The following IPO9 variants were observed in gnomAD, a reference collection of about 807,000 sequenced individuals.
IPO9 encodes importin-9.
IPO9 carries 28 observed loss-of-function variants against 128.6 expected under a neutral mutation model. That is an observed-to-expected ratio of 0.22 (90% CI 0.16 to 0.30). The LOEUF is 0.30. Ranked by LOEUF, IPO9 falls within the 10% of genes least tolerant of loss-of-function variation. The probability of loss-of-function intolerance (pLI) is 1.00; values close to 1 mark genes in which losing one functional copy is unlikely to be tolerated. For synonymous variants in IPO9, 455 were observed against 475.8 expected, an observed-to-expected ratio of 0.96 and a Z score of 0.57; for missense variants, 935 against 1,293.9, an observed-to-expected ratio of 0.72 and a Z score of 4.26.
chr1:201,870,526 GC>G lies in IPO9; in HGVS notation c.2134-55del. ...GAACATTTGTTTATACAGACTGAGG[GC>G]CTTCTGGCATCTGTCCCTCGATTAC... On this transcript the variant is annotated intron_variant, in intron 17 of 23. Transcript: ENST00000361565. The surrounding 1 kb of genome is among the most constrained non-coding windows in gnomAD (Gnocchi z 4.9). The G allele has an allele frequency of 1.3e-6, 2 of 1,567,784 alleles. No homozygotes were observed. Among genetic ancestry groups the G allele is most frequent in the Non-Finnish European group, 8.7e-7 (1 of 1,153,852 alleles).
rs562383614 is a variant in IPO9, at chr1:201,874,720, A to G, written c.2834-112A>G. The G allele has an allele frequency of 1.7e-4, 131 of 758,756 alleles. No homozygotes were observed. In the South Asian group the frequency reaches 2.0e-3, roughly 11 times the overall value. The allele number at this position is 758,756 out of a possible 1,614,324, so 47.0% of individuals were successfully genotyped here. On this transcript the variant is annotated intron_variant, in intron 21 of 23. Coordinates refer to ENST00000361565, the MANE Select transcript of IPO9 (RefSeq NM_018085.5). ...TTCTGATTCTCTTTCACTGGGGACT[A>G]CAAGCCACATTGCAGAAGCCTTTGG...
chr1:201,868,208 G>A (rs1387790164), intron 15 of IPO9, among the ~76,000 whole-genome samples: 1 of 151,904 alleles, frequency 6.6e-6, no homozygotes, highest in African/African-American at 2.4e-5. Flanking sequence ...TGTCTACCGT[G>A]GCTACCCCAT....
intron 16 of IPO9, among the ~76,000 whole-genome samples, chr1:201,869,351 G>C (rs1411050447): frequency 6.6e-6 from 1 of 152,176 alleles, no homozygotes; most frequent in Non-Finnish European, 1.5e-5. Context: ...TATGTCACCT[G>C]GTTATCCAAT....
intron 1 of IPO9, among the ~76,000 whole-genome samples, chr1:201,838,516 G>A (rs1204645540): frequency 6.6e-6 from 1 of 152,192 alleles, no homozygotes; most frequent in African/African-American, 2.4e-5. Flanking sequence ...ACCAGAGTCT[G>A]TACTAACCAA....
intron 1 of IPO9, among the ~76,000 whole-genome samples, chr1:201,834,468 G>A (rs977256804): frequency 1.3e-5 from 2 of 151,866 alleles, no homozygotes; most frequent in African/African-American, 4.8e-5. Flanking sequence ...TTTATTTTTG[G>A]TGTATTCGTG....
chr1:201,862,108 A>C (rs1221271264), intron 13 of IPO9, among the ~76,000 whole-genome samples: 3 of 152,210 alleles, frequency 2.0e-5, no homozygotes, highest in Non-Finnish European at 4.4e-5. Flanking sequence ...CTATGGAATT[A>C]ATTGACAGAT....
At chr1:201,835,719 C>T (rs147690285) in intron 1 of IPO9, among the ~76,000 whole-genome samples, 11 of 152,248 alleles carry the variant, frequency 7.2e-5, no homozygotes, top group South Asian at 2.1e-4. Context: ...CAAAATAAAG[C>T]GGATATTTAT....
At position 201,878,288 on chromosome 1, in the gene IPO9, G is replaced by T. The variant is rs1680814802; in HGVS notation, c.*2234G>T. Reference sequence around the variant, plus strand: ...CATAGTTTATCTCAAGGCAGTGCCAGTCGGATTTGGTGCTAAAGGCATAAG... The same window carrying T: ...CATAGTTTATCTCAAGGCAGTGCCATTCGGATTTGGTGCTAAAGGCATAAG... On this transcript the variant is annotated 3_prime_UTR_variant, in exon 24 of 24. Coordinates refer to ENST00000361565, the MANE Select transcript of IPO9 (RefSeq NM_018085.5). 6.6e-6 allele frequency: 1 copy of T among 152,582 alleles called. No individual in the cohort carries two copies. Among genetic ancestry groups the T allele is most frequent in the Non-Finnish European group, 1.5e-5 (1 of 68,066 alleles). 9.5% of individuals were successfully genotyped at this position (152,582 alleles called of 1,614,324 possible).
At chr1:201,836,497 C>T (rs1679925044) in intron 1 of IPO9, among the ~76,000 whole-genome samples, 1 of 152,158 alleles carries the variant, frequency 6.6e-6, no homozygotes, top group Admixed American at 6.5e-5. Flanking sequence ...GTGATCCTTC[C>T]ATGTTAGCCT....
At position 201,882,077 on chromosome 1, in the gene IPO9, C is replaced by T. The variant is rs1377625313; in HGVS notation, c.*6023C>T. The T allele has an allele frequency of 6.6e-6, 1 of 152,172 alleles. No individual in the cohort carries two copies. Among genetic ancestry groups the T allele is most frequent in the African/African-American group, 2.4e-5 (1 of 41,430 alleles). 9.4% of individuals were successfully genotyped at this position (152,172 alleles called of 1,614,324 possible). On this transcript the variant is annotated 3_prime_UTR_variant, in exon 24 of 24. Transcript: ENST00000361565. Reference sequence around the variant, plus strand: ...ATTCTCACGGGGATTTAGACTAGGTCTTAACCATACTTTACCAAGATTCCA... The same window carrying T: ...ATTCTCACGGGGATTTAGACTAGGTTTTAACCATACTTTACCAAGATTCCA...
chr1:201,840,235 A>G (rs1163323782), intron 1 of IPO9, among the ~76,000 whole-genome samples: 3 of 152,132 alleles, frequency 2.0e-5, no homozygotes, highest in South Asian at 2.1e-4. Context: ...GGCTACAGGC[A>G]TGAGCCACCG....
Position 201,875,107 on chromosome 1 carries a change from A to G in IPO9, c.2939-45A>G, listed in dbSNP as rs772512574. The G allele has an allele frequency of 9.6e-6, 15 of 1,557,982 alleles. No homozygotes were observed. In the African/African-American group the frequency reaches 1.6e-4, roughly 17 times the overall value. On this transcript the variant is annotated intron_variant, in intron 22 of 23. Coordinates refer to ENST00000361565, the MANE Select transcript of IPO9 (RefSeq NM_018085.5). ...GTATATCACCACTCAGGGCCTGATC[A>G]TGGGCCTTTGTCCTGACCCGCCCTG...
intron 14 of IPO9, 123 bp downstream of exon 14, chr1:201,863,730 A>G: frequency 2.2e-6 from 2 of 896,344 alleles, no homozygotes; most frequent in Non-Finnish European, 3.2e-6. Flanking sequence ...TTCAGGGTGA[A>G]TGTTGGAAGG....
At chr1:201,868,543 C>A in intron 15 of IPO9, 105 bp from the exon 16 acceptor site, 1 of 1,239,694 alleles carries the variant, frequency 8.1e-7, no homozygotes, top group Non-Finnish European at 1.1e-6. Context: ...GTAATCAATG[C>A]AGAAGTTGTT....
chr1:201,872,930 G>A lies in IPO9; in HGVS notation c.2679G>A (p.Glu893=). 1 of 1,613,638 alleles carries A rather than the reference G, an allele frequency of 6.2e-7. No individual in the cohort carries two copies. The highest frequency in any genetic ancestry group is 8.5e-7 in the Non-Finnish European group (1 of 1,179,842). Residue 893 remains glutamate (E), a synonymous_variant, in exon 20 of 24, where the codon GAG becomes GAA. Transcript: ENST00000361565. ...VKGEEIYSMD[E]GIRTRSKSAK... is the part of the protein sequence containing the mutation. ...GAGAGGAGATCTACAGCATGGATGAGGGCATCCGCACCCGCTCTAAGTCAG... is the reference window on the plus strand; with the variant it reads ...GAGAGGAGATCTACAGCATGGATGAAGGCATCCGCACCCGCTCTAAGTCAG...
rs1213709326 is a variant in IPO9 at position 201,882,922 on chromosome 1, C to T, written c.*6868C>T. On this transcript the variant is annotated 3_prime_UTR_variant, in exon 24 of 24. Transcript: ENST00000361565. ...CCATAGCTGGGAGCTATGTTTGGCTCATTCTTCCTGACTCACTGGATTACA... is the reference window on the plus strand; with the variant it reads ...CCATAGCTGGGAGCTATGTTTGGCTTATTCTTCCTGACTCACTGGATTACA... 2 of 152,634 alleles carry T rather than the reference C, an allele frequency of 1.3e-5. No homozygotes were observed. The highest frequency in any genetic ancestry group is 2.9e-5 in the Non-Finnish European group (2 of 68,044). The allele number at this position is 152,634 out of a possible 1,614,324, so 9.5% of individuals were successfully genotyped here.
At chr1:201,855,072 A>T in intron 8 of IPO9, 52 bp from the exon 9 acceptor site, 1 of 1,343,172 alleles carries the variant, frequency 7.4e-7, no homozygotes, top group Non-Finnish European at 1.1e-6. Context: ...ATTTCCATGT[A>T]GATTATATGT....
Position 201,829,343 on chromosome 1 carries a change from A to T in IPO9, c.134A>T (p.Glu45Val), listed in dbSNP as rs773403409. ...PVQEVRAAAE[E>V]QIKVLEVTEE... is the part of the protein sequence containing the mutation. ...CAGGAGGTGCGGGCGGCTGCTGAAG[A>T]ACAGATTAAGGTGCTGGAGGTGACG... Residue 45 changes from glutamate (E) to valine (V), a missense_variant, in exon 1 of 24, where the codon GAA (glutamate) becomes GTA (valine). This residue lies in a region of IPO9 where 741 missense variants were observed against 1,019.1 expected (regional missense o/e 0.73). Coordinates refer to ENST00000361565, the MANE Select transcript of IPO9 (RefSeq NM_018085.5). 6.3e-7 allele frequency: 1 copy of T among 1,586,480 alleles called. No homozygotes were observed. Among genetic ancestry groups the T allele is most frequent in the East Asian group, 2.3e-5 (1 of 43,102 alleles).
intron 13 of IPO9, among the ~76,000 whole-genome samples, chr1:201,862,329 G>A (rs958110096): frequency 4.6e-5 from 7 of 151,610 alleles, no homozygotes; most frequent in South Asian, 2.1e-4. Context: ...GTGGTGGTAC[G>A]CACCTGTAAT....
Sources: gnomAD v4.1 joint callset for allele counts (sites outside exome capture counted in the v4.1 genomes callset) on GRCh38, gnomAD v4.1.1 for gene constraint, gnomAD v4.1.1 regional missense constraint, Gnocchi (gnomAD v3.1) non-coding constraint, MANE v1.5 for transcripts, NCBI Gene and HGNC (gene_info 2026-07-23, HGNC 2026-07-21) for gene names.